Variants in PDE1C observed in about 807,000 individuals in gnomAD.
PDE1C encodes phosphodiesterase 1C.
Under a neutral mutation model 93.1 loss-of-function variants are expected in PDE1C, and 62 were observed. That is an observed-to-expected ratio of 0.67 (90% confidence interval 0.54 to 0.82). The LOEUF (loss-of-function observed/expected upper bound fraction) is 0.82. Among genes scored for constraint, PDE1C ranks in the 40% least tolerant of loss-of-function variants. The pLI is 0.00. For missense variants in PDE1C, 742 were observed against 884.6 expected (o/e 0.84, Z 2.04); for synonymous variants, 325 against 310.1 (o/e 1.05, Z -0.50).
At chr7:31,683,699 G>T in the PDE1C span, among the ~76,000 whole-genome samples, 2 of 152,214 alleles carry the variant, frequency 1.3e-5, no homozygotes, top group Admixed American at 6.5e-5. Flanking sequence ...GAATTGAGAA[G>T]GTGGAGCCTC....
At chr7:32,081,577 C>A (rs568518757) in intron 3 of PDE1C, among the ~76,000 whole-genome samples, 9 of 152,336 alleles carry the variant, frequency 5.9e-5, no homozygotes, top group Admixed American at 4.6e-4. Context: ...AATCACTCTG[C>A]CAGATCAATG....
chr7:32,305,196 G>A (rs1469926786), intron 1 of PDE1C, among the ~76,000 whole-genome samples: 1 of 152,154 alleles, frequency 6.6e-6, no homozygotes, highest in Non-Finnish European at 1.5e-5. Flanking sequence ...TGATACTTCT[G>A]TCAGCTATGC....
chr7:32,303,585 T>C (rs1812928028), upstream of PDE1C, among the ~76,000 whole-genome samples: 1 of 152,184 alleles, frequency 6.6e-6, no homozygotes, highest in South Asian at 2.1e-4. Context: ...TCCATTTTTT[T>C]GTTTCTCAAA....
At chr7:32,286,389 G>A (rs1812001411) in intron 1 of PDE1C, among the ~76,000 whole-genome samples, 1 of 152,188 alleles carries the variant, frequency 6.6e-6, no homozygotes, top group South Asian at 2.1e-4. Context: ...ATCCGAAAAT[G>A]AGAAATTAAA....
chr7:32,134,468 A>G (rs1302730802), intron 3 of PDE1C, among the ~76,000 whole-genome samples: 2 of 152,170 alleles, frequency 1.3e-5, no homozygotes. Flanking sequence ...TGTCAACTAG[A>G]AAATGAAGAG....
At chr7:31,996,061 T>C (rs982840805) in intron 2 of PDE1C, among the ~76,000 whole-genome samples, 2 of 129,852 alleles carry the variant, frequency 1.5e-5, no homozygotes, top group South Asian at 5.3e-4. Context: ...CTCTTTACGC[T>C]TCCGGACACA....
the PDE1C span, among the ~76,000 whole-genome samples, chr7:31,627,826 A>C: frequency 6.6e-6 from 1 of 152,186 alleles, no homozygotes; most frequent in Non-Finnish European, 1.5e-5. Context: ...AAAGGAGATT[A>C]ATTGGAATTA....
At chr7:32,168,168 C>T (rs1320204903) in intron 3 of PDE1C, among the ~76,000 whole-genome samples, 2 of 152,182 alleles carry the variant, frequency 1.3e-5, no homozygotes, top group Non-Finnish European at 2.9e-5. Context: ...CTGCATGCAC[C>T]TGCTGTCTTT....
intron 1 of PDE1C, among the ~76,000 whole-genome samples, chr7:32,243,784 T>C (rs1038514527): frequency 3.9e-5 from 6 of 152,224 alleles, no homozygotes; most frequent in African/African-American, 1.4e-4. Context: ...AAGATAGTTA[T>C]GAAGAGCAAA....
chr7:31,951,618 C>G lies in PDE1C; in HGVS notation c.129-70758G>C, dbSNP rs116125545. ...CCTTAGTGGTCTGGGATTTCTCCCT[C>G]AGAGACAACCACACATTGTCAGGGG... On this transcript the variant is annotated intron_variant, in intron 2 of 17. Transcript: ENST00000396191. Among the ~76,000 whole-genome samples, 1,467 of 152,328 alleles carry G rather than the reference C, an allele frequency of 9.6e-3. 17 individuals are homozygous for G. The highest frequency in any genetic ancestry group is 0.031 in the African/African-American group (1,279 of 41,576).
chr7:31,785,748 T>G (rs965521063), intron 16 of PDE1C: 10 of 152,160 alleles, frequency 6.6e-5, no homozygotes, highest in African/African-American at 2.4e-4. Flanking sequence ...ATAAACTGTC[T>G]AATGCAAATG....
At chr7:31,835,638 C>T (rs1790995123) in intron 11 of PDE1C, among the ~76,000 whole-genome samples, 1 of 151,776 alleles carries the variant, frequency 6.6e-6, no homozygotes, top group Non-Finnish European at 1.5e-5. Flanking sequence ...TCTCGTCCAA[C>T]CTTATCCTAA....
chr7:31,932,516 T>C (rs539068812), intron 2 of PDE1C, among the ~76,000 whole-genome samples: 2 of 152,316 alleles, frequency 1.3e-5, no homozygotes, highest in East Asian at 3.9e-4. Context: ...CACAATGAGA[T>C]ACCATCTCAT....
At chr7:32,165,630 A>G (rs1329879658) in intron 3 of PDE1C, among the ~76,000 whole-genome samples, 1 of 152,174 alleles carries the variant, frequency 6.6e-6, no homozygotes, top group Non-Finnish European at 1.5e-5. Flanking sequence ...CTCACTCACT[A>G]TCACAAGAAC....
At chr7:32,128,796 T>C (rs1054288537) in intron 3 of PDE1C, among the ~76,000 whole-genome samples, 2 of 150,806 alleles carry the variant, frequency 1.3e-5, no homozygotes, top group Non-Finnish European at 3.0e-5. Context: ...TAGGAATTTA[T>C]TTTAAGGAAG....
the PDE1C span, among the ~76,000 whole-genome samples, chr7:31,735,934 C>T: frequency 1.3e-5 from 2 of 152,194 alleles, no homozygotes; most frequent in African/African-American, 2.4e-5. Context: ...ATAACCTATG[C>T]ACATCCTCCC....
At chr7:32,369,015 T>G (rs1784278079) in intron 1 of PDE1C, among the ~76,000 whole-genome samples, 1 of 152,142 alleles carries the variant, frequency 6.6e-6, no homozygotes, top group Non-Finnish European at 1.5e-5. Flanking sequence ...AAGACCTAAA[T>G]GTAATACCCA....
intron 6 of PDE1C, among the ~76,000 whole-genome samples, chr7:31,872,485 C>A (rs970219811): frequency 6.6e-6 from 1 of 152,084 alleles, no homozygotes; most frequent in Admixed American, 6.6e-5. Flanking sequence ...AACAAAATAT[C>A]ACATGTACCC....
chr7:32,258,782 A>C (rs1372843151), intron 1 of PDE1C, among the ~76,000 whole-genome samples: 2 of 152,178 alleles, frequency 1.3e-5, no homozygotes, highest in Non-Finnish European at 2.9e-5. Context: ...ACTCAAGCCA[A>C]GTATCTTTTA....
Sources: allele counts gnomAD v4.1 joint callset (sites outside exome capture counted in the v4.1 genomes callset), GRCh38; gene constraint gnomAD v4.1.1; transcripts MANE v1.5; gene names NCBI Gene and HGNC (gene_info 2026-07-23, HGNC 2026-07-21).